GPR89B: variants seen among roughly 807,000 people sequenced by gnomAD.
GPR89B encodes G protein-coupled receptor 89B.
GPR89B carries 25 observed loss-of-function variants against 52.4 expected under a neutral mutation model. That is an observed-to-expected ratio of 0.48 (90% CI 0.35 to 0.67). The LOEUF is 0.67. GPR89B is among the 30% of genes least tolerant of loss of function. The pLI is 0.01. For synonymous variants in GPR89B, 52 were observed against 151.2 expected, an observed-to-expected ratio of 0.34 and a Z score of 4.81; for missense variants, 146 against 450.2, an observed-to-expected ratio of 0.32 and a Z score of 6.11.
At chr1:147,936,019 C>G (rs1179363506) in intron 1 of GPR89B, among the ~76,000 whole-genome samples, 1 of 152,170 alleles carries the variant, frequency 6.6e-6, no homozygotes, top group African/African-American at 2.4e-5. Context: ...CACTCTGACA[C>G]CTTTTCTTTT....
chr1:148,014,446 T>C, the GPR89B span: 2 of 151,072 alleles, frequency 1.3e-5, no homozygotes, highest in Admixed American at 6.6e-5. Flanking sequence ...AGCCGCCGGA[T>C]AGCGCAAACA....
At chr1:148,025,102 A>G in the GPR89B span, among the ~76,000 whole-genome samples, 1 of 151,892 alleles carries the variant, frequency 6.6e-6, no homozygotes, top group South Asian at 2.1e-4. Flanking sequence ...CATTCTCCTG[A>G]TAAAGACAAT....
intron 10 of GPR89B, among the ~76,000 whole-genome samples, chr1:147,983,159 T>C (rs1464593663): frequency 6.6e-6 from 1 of 152,190 alleles, no homozygotes; most frequent in African/African-American, 2.4e-5. Context: ...TTACACCTTA[T>C]ACAAAAATTA....
the GPR89B span, among the ~76,000 whole-genome samples, chr1:148,016,722 C>T: frequency 6.6e-6 from 1 of 151,878 alleles, no homozygotes; most frequent in Non-Finnish European, 1.5e-5. Context: ...TGAAACCCCA[C>T]TCGTAATAAA....
the GPR89B span, chr1:148,010,816 G>A: frequency 1.3e-4 from 20 of 152,346 alleles, 1 homozygote; most frequent in East Asian, 3.8e-3. Flanking sequence ...TTATCTAGTT[G>A]TATAGAGCCT....
chr1:148,012,556 G>C, the GPR89B span, among the ~76,000 whole-genome samples: 1 of 144,596 alleles, frequency 6.9e-6, no homozygotes, highest in Non-Finnish European at 1.5e-5. Context: ...GAGGAAAGTC[G>C]GGTTTGGGAG....
chr1:148,019,455 A>G, the GPR89B span, among the ~76,000 whole-genome samples: 51 of 152,024 alleles, frequency 3.4e-4, no homozygotes, highest in East Asian at 8.9e-3. Context: ...AGAGCATCAG[A>G]AAGAGTAGCT....
intron 5 of GPR89B, among the ~76,000 whole-genome samples, chr1:147,945,943 C>G (rs1193719830): frequency 2.0e-5 from 3 of 152,026 alleles, no homozygotes; most frequent in African/African-American, 2.4e-5. Context: ...TCAGGATGGT[C>G]TCGAACTCCT....
chr1:147,968,398 T>C (rs1657186096), intron 8 of GPR89B: 4 of 453,964 alleles, frequency 8.8e-6, no homozygotes, highest in Non-Finnish European at 1.8e-5. Flanking sequence ...AGATAAGATA[T>C]AAAAGAAGAT....
At chr1:147,934,282 C>A (rs1393624162) in intron 1 of GPR89B, among the ~76,000 whole-genome samples, 1 of 151,976 alleles carries the variant, frequency 6.6e-6, no homozygotes, top group Non-Finnish European at 1.5e-5. Context: ...GCTCAAGTGG[C>A]CCTTCCACTT....
chr1:148,003,518 A>C, the GPR89B span, among the ~76,000 whole-genome samples: 1 of 152,184 alleles, frequency 6.6e-6, no homozygotes, highest in South Asian at 2.1e-4. Context: ...AACGCTACCA[A>C]TTTGGATTTC....
chr1:148,018,894 G>C, the GPR89B span, among the ~76,000 whole-genome samples: 101 of 151,788 alleles, frequency 6.7e-4, 2 homozygotes, highest in African/African-American at 2.3e-3. Context: ...TCGAACTCCT[G>C]ACCTCAGGTG....
chr1:147,970,144 A>G (rs1657307113), intron 10 of GPR89B, among the ~76,000 whole-genome samples, 185 bp downstream of exon 10: 1 of 151,880 alleles, frequency 6.6e-6, no homozygotes, highest in Admixed American at 6.5e-5. Flanking sequence ...TTACATAGAT[A>G]AGGAAGGTTG....
At chr1:147,969,358 A>T (rs1181175557) in intron 9 of GPR89B, 1 of 226,356 alleles carries the variant, frequency 4.4e-6, no homozygotes, top group Non-Finnish European at 8.6e-6. Context: ...ATCCAGATCA[A>T]TAAGTGTCGA....
At chr1:147,934,246 A>C (rs587714576) in intron 1 of GPR89B, among the ~76,000 whole-genome samples, 30 of 151,900 alleles carry the variant, frequency 2.0e-4, no homozygotes, top group Non-Finnish European at 2.9e-4. Context: ...ACATGCTCAC[A>C]GCTCACTATA....
At chr1:147,985,174 C>T (rs1412679688) in intron 10 of GPR89B, among the ~76,000 whole-genome samples, 4 of 151,954 alleles carry the variant, frequency 2.6e-5, no homozygotes, top group South Asian at 2.1e-4. Context: ...TCATTGTGTA[C>T]CCCTTGTTGA....
the GPR89B span, among the ~76,000 whole-genome samples, chr1:147,999,388 C>T: frequency 6.7e-6 from 1 of 149,616 alleles, no homozygotes; most frequent in African/African-American, 2.5e-5. Context: ...GCGGGCGGAT[C>T]ACAAGGTCAG....
the GPR89B span, among the ~76,000 whole-genome samples, chr1:148,013,217 A>G: frequency 6.6e-6 from 1 of 152,100 alleles, no homozygotes; most frequent in East Asian, 1.9e-4. Context: ...TAGAAGAGCC[A>G]CAGTAGAAGA....
At chr1:147,987,944 A>G (rs1440020512) in intron 11 of GPR89B, among the ~76,000 whole-genome samples, 2 of 152,118 alleles carry the variant, frequency 1.3e-5, no homozygotes. Flanking sequence ...TCATAGATAG[A>G]AAATAATCAA....
Sources: allele counts gnomAD v4.1 joint callset (sites outside exome capture counted in the v4.1 genomes callset), GRCh38; gene constraint gnomAD v4.1.1; transcripts MANE v1.5; gene names NCBI Gene and HGNC (gene_info 2026-07-23, HGNC 2026-07-21).